The following MAN2B2 variants were observed in gnomAD, a reference collection of about 807,000 sequenced individuals.
MAN2B2 encodes mannosidase alpha class 2B member 2, also known as epididymis-specific alpha-mannosidase.
A neutral mutation model predicts 117.1 loss-of-function variants in MAN2B2; 106 were observed. That is an observed-to-expected ratio of 0.90 (90% CI 0.77 to 1.06). The LOEUF (loss-of-function observed/expected upper bound fraction) is 1.06. Ranked by LOEUF, MAN2B2 falls within the 50% of genes least tolerant of loss-of-function variation. The probability of loss-of-function intolerance (pLI) is 0.00; values close to 1 mark genes in which losing one functional copy is unlikely to be tolerated. For synonymous variants in MAN2B2, 544 were observed against 595.1 expected (o/e 0.91, Z 1.25); for missense variants, 1,326 against 1,381.4 (o/e 0.96, Z 0.64).
At chr4:6,594,917 G>A (rs899090731) in intron 7 of MAN2B2, among the ~76,000 whole-genome samples, 185 bp downstream of exon 7, 6 of 152,156 alleles carry the variant, frequency 3.9e-5, no homozygotes, top group Non-Finnish European at 8.8e-5. Flanking sequence ...GGACGTCCTG[G>A]CCACCACATG....
chr4:6,597,058 T>C lies in MAN2B2; in HGVS notation c.1058-55T>C. The C allele has an allele frequency of 3.3e-6, 5 of 1,533,126 alleles. No individual in the cohort carries two copies. The Admixed American group carries it at 7.3e-5, about 22-fold the overall frequency. The allele number at this position is 1,533,126 out of a possible 1,614,324, so 95.0% of individuals were successfully genotyped here. ...TCTCAGCTCTTCCAGGGCTGGAGCT[T>C]AGCAGACTTCTGGGTCATGCCGTCT... On this transcript the variant is annotated intron_variant, in intron 7 of 18. Transcript: ENST00000285599.
chr4:6,619,230 C>T (rs188478169), intron 17 of MAN2B2: 1 of 152,352 alleles, frequency 6.6e-6, no homozygotes, highest in African/African-American at 2.4e-5. Context: ...TCCGATGGAC[C>T]CCAAGCGCTG....
intron 15 of MAN2B2, 138 bp from the exon 16 acceptor site, chr4:6,614,080 G>A (rs1308234799): frequency 3.8e-6 from 4 of 1,051,792 alleles, no homozygotes; most frequent in Admixed American, 2.7e-5. Context: ...ACTTTGGGCT[G>A]GTGCGGGGTA....
At chr4:6,592,610 A>T (rs1271597511) in intron 5 of MAN2B2, among the ~76,000 whole-genome samples, 2 of 152,152 alleles carry the variant, frequency 1.3e-5, no homozygotes, top group African/African-American at 4.8e-5. Context: ...TCTGTAAAAG[A>T]AACAGAGGTG....
At chr4:6,592,254 A>G (rs947555725) in intron 5 of MAN2B2, among the ~76,000 whole-genome samples, 2 of 152,186 alleles carry the variant, frequency 1.3e-5, no homozygotes, top group African/African-American at 2.4e-5. Flanking sequence ...CACTGTTTCT[A>G]GCTCCTTTCC....
rs1260245118 is a variant in MAN2B2 at position 6,589,050 on chromosome 4, G to A, written c.570G>A (p.Leu190=). The change falls in exon 5 of 19, where the codon CTG becomes CTA. Residue 190 remains leucine (L), a synonymous_variant. Transcript: ENST00000285599. ...LKAAMQEARG[L]QFVWRGSPSL... ...TTCTTCTCCTCGGTTTGCAGGGGCT[G>A]CAGTTCGTGTGGCGAGGGTCCCCAT... 2 of 1,613,620 alleles carry A rather than the reference G, an allele frequency of 1.2e-6. No individual in the cohort carries two copies. The highest frequency in any genetic ancestry group is 4.5e-5 in the East Asian group (2 of 44,858).
rs1444251002 is a variant in MAN2B2 at position 6,600,497 on chromosome 4, C to T, written c.1406-126C>T. The T allele has an allele frequency of 8.8e-6, 10 of 1,140,710 alleles. No homozygotes were observed. The African/African-American group carries it at 1.5e-4, about 17-fold the overall frequency. 70.7% of individuals were successfully genotyped at this position (1,140,710 alleles called of 1,614,324 possible). A position where few individuals can be genotyped will look rare whatever the true frequency, so the allele number is the denominator to read the frequency against. On this transcript the variant is annotated intron_variant, in intron 9 of 18. Transcript: ENST00000285599. ...GTTGGCCTGCCCCCTTCCTGGCTCC[C>T]CTGGGAGTTCTGGAGGGCTGCATCT...
At chr4:6,575,418 G>T (rs1417275705) in intron 1 of MAN2B2, 70 bp downstream of exon 1, 3 of 1,264,796 alleles carry the variant, frequency 2.4e-6, no homozygotes, top group East Asian at 2.9e-5. Flanking sequence ...TCTGAGTGTG[G>T]GTTTGCGTCC....
At chr4:6,607,679 G>A (rs1727606164) in intron 11 of MAN2B2, among the ~76,000 whole-genome samples, 2 of 152,336 alleles carry the variant, frequency 1.3e-5, no homozygotes, top group Middle Eastern at 3.4e-3. Context: ...TATCAATAAT[G>A]CTGCTCTGAA....
intron 3 of MAN2B2, 130 bp from the exon 4 acceptor site, chr4:6,586,866 G>A (rs1466168783): frequency 9.6e-6 from 7 of 727,200 alleles, no homozygotes; most frequent in Non-Finnish European, 1.6e-5. Flanking sequence ...CTGCAGTTCT[G>A]CATGACCCTG....
At chr4:6,610,085 A>G (rs770786594) in intron 13 of MAN2B2, 35 bp downstream of exon 13, 17 of 1,610,656 alleles carry the variant, frequency 1.1e-5, no homozygotes, top group Non-Finnish European at 1.2e-5. Flanking sequence ...CACGCTCCCA[A>G]TGGCGCCTTT....
rs1014439179 is a variant in MAN2B2, at chr4:6,598,348, A to G, written c.1399A>G (p.Ser467Gly). The change falls in exon 9 of 19, where the codon AGC becomes GGC. Residue 467 changes from serine (S) to glycine (G), a missense_variant. Physicochemically the swap from Ser to Gly is moderately conservative, Grantham distance 56. Coordinates refer to ENST00000285599, the MANE Select transcript of MAN2B2 (RefSeq NM_015274.3). ...ELQPQAPMAA[S>G]SDAGPAGHFA... is the part of the protein sequence containing the mutation. ...CCAGCCCCAGGCACCCATGGCGGCC[A>G]GCTCCGGTGAGCAGGGCCCTGCAGG... 2.5e-6 allele frequency: 4 copies of G among 1,611,676 alleles called. No individual in the cohort carries two copies. The highest frequency in any genetic ancestry group is 2.7e-5 in the African/African-American group (2 of 74,912).
intron 1 of MAN2B2, 87 bp downstream of exon 1, chr4:6,575,435 C>A: frequency 9.5e-7 from 1 of 1,055,828 alleles, no homozygotes; most frequent in Non-Finnish European, 1.3e-6. Context: ...GTCCCGGGGC[C>A]CGATGCCGGC....
chr4:6,593,948 G>A (rs1726965448), intron 6 of MAN2B2, among the ~76,000 whole-genome samples: 3 of 152,194 alleles, frequency 2.0e-5, no homozygotes, highest in Non-Finnish European at 2.9e-5. Flanking sequence ...TGGCTAGGAA[G>A]GGGTGGAATT....
intron 10 of MAN2B2, among the ~76,000 whole-genome samples, chr4:6,603,544 C>T (rs112246126): frequency 0.022 from 3,326 of 152,226 alleles, 126 homozygotes; most frequent in African/African-American, 0.076. Flanking sequence ...ACACACACCC[C>T]TTCCCCACTC....
At chr4:6,613,711 AG>A (rs1412337525) in intron 15 of MAN2B2, among the ~76,000 whole-genome samples, 1 of 98,848 alleles carries the variant, frequency 1.0e-5, no homozygotes, top group African/African-American at 3.9e-5. Flanking sequence ...GAAGTGAGGG[AG>A]GGAGGGGAAG....
rs770757216 is a variant in MAN2B2, at chr4:6,611,227, A to C, written c.2512A>C (p.Ser838Arg). 11 of 1,613,490 alleles carry C rather than the reference A, an allele frequency of 6.8e-6. No homozygotes were observed. The highest frequency in any genetic ancestry group is 9.3e-6 in the Non-Finnish European group (11 of 1,179,966). ...WSLTTALRQR[S>R]ALALQHRPVV... ...CCTCACCACTGCCCTGCGCCAGAGG[A>C]GCGCACTGGCGCTGCAGCACAGGCC... Residue 838 changes from serine (S) to arginine (R), a missense_variant, in exon 15 of 19, where the codon AGC becomes CGC. By Grantham distance (110) the Ser-to-Arg change is moderately radical. Transcript: ENST00000285599.
At chr4:6,602,596 T>C (rs1727374462) in intron 10 of MAN2B2, among the ~76,000 whole-genome samples, 1 of 152,108 alleles carries the variant, frequency 6.6e-6, no homozygotes, top group African/African-American at 2.4e-5. Context: ...AAGTGGGAGT[T>C]AGGAGGTGGC....
rs1208458701 is a variant in MAN2B2 at position 6,622,868 on chromosome 4, A to T, written c.*1583A>T. On this transcript the variant is annotated 3_prime_UTR_variant, in exon 19 of 19. Transcript: ENST00000285599. ...ACAACGTGCAGTTTGGCCACCAGAC[A>T]GCAAAGACAGTCTCTGGTTTGGCCA... 1.3e-5 allele frequency: 2 copies of T among 151,984 alleles called. No individual in the cohort carries two copies. The highest frequency in any genetic ancestry group is 2.9e-5 in the Non-Finnish European group (2 of 68,150). The allele number at this position is 151,984 out of a possible 1,614,324, so 9.4% of individuals were successfully genotyped here. A position where few individuals can be genotyped will look rare whatever the true frequency, so the allele number is the denominator to read the frequency against.
Sources: allele counts gnomAD v4.1 joint callset (sites outside exome capture counted in the v4.1 genomes callset), GRCh38; gene constraint gnomAD v4.1.1; transcripts MANE v1.5; gene names NCBI Gene and HGNC (gene_info 2026-07-23, HGNC 2026-07-21).